DOK6: variants seen among roughly 807,000 people sequenced by gnomAD.
DOK6 encodes the protein docking protein 6.
Under a neutral mutation model 44.0 loss-of-function variants are expected in DOK6, and 22 were observed. The observed-to-expected ratio is 0.50, with a 90% CI of 0.36 to 0.71. The LOEUF is 0.71. Ranked by LOEUF, DOK6 falls within the 30% of genes least tolerant of loss-of-function variation. DOK6 has a pLI of 0.00. For synonymous variants in DOK6, 166 were observed against 145.5 expected (o/e 1.14, Z -1.01); for missense variants, 340 against 416.4 (o/e 0.82, Z 1.60).
At chr18:69,570,689 T>C (rs1260896142) in intron 2 of DOK6, among the ~76,000 whole-genome samples, 2 of 151,976 alleles carry the variant, frequency 1.3e-5, no homozygotes, top group Non-Finnish European at 2.9e-5. Context: ...AAAAAAGACA[T>C]GACATACTGG....
At chr18:69,406,898 T>C (rs1916216230) in intron 1 of DOK6, among the ~76,000 whole-genome samples, 1 of 152,126 alleles carries the variant, frequency 6.6e-6, no homozygotes, top group African/African-American at 2.4e-5. Flanking sequence ...CTGGCCAACA[T>C]TGTGAAACCT....
At chr18:69,568,497 C>T (rs1251771728) in intron 2 of DOK6, among the ~76,000 whole-genome samples, 1 of 152,180 alleles carries the variant, frequency 6.6e-6, no homozygotes, top group Non-Finnish European at 1.5e-5. Flanking sequence ...ACAGCTTCTC[C>T]CTTTCTCTGG....
At chr18:69,659,856 A>ATATAACATATATGTATGTTT (rs1985469584) in intron 3 of DOK6, 8 of 91,514 alleles carry the variant, frequency 8.7e-5, no homozygotes, top group African/African-American at 2.5e-4. Context: ...TATGTTATAT[A>ATATAACATATATGTATGTTT]TATATATATA....
chr18:69,549,870 A>ATT (rs33984742), intron 1 of DOK6, among the ~76,000 whole-genome samples: 27,163 of 143,122 alleles, frequency 0.19, 3,528 homozygotes, highest in Middle Eastern at 0.36. Context: ...AGAGTTTTTA[A>ATT]TTTTTTTTTT....
chr18:69,678,466 A>G lies in DOK6; in HGVS notation c.409+613A>G, dbSNP rs73467809. Among the ~76,000 whole-genome samples the G allele has an allele frequency of 7.4e-3, 1,131 of 152,310 alleles. 18 individuals carry two copies. Among genetic ancestry groups the G allele is most frequent in the African/African-American group, 0.026 (1,081 of 41,566 alleles). On this transcript the variant is annotated intron_variant, in intron 4 of 7. Transcript: ENST00000382713. ...CAGTTTCTTCTTGGAGACTTATTATAGATTTAGAGTCTATATTAACAGATT... is the reference window on the plus strand; with the variant it reads ...CAGTTTCTTCTTGGAGACTTATTATGGATTTAGAGTCTATATTAACAGATT...
At chr18:69,653,783 A>T (rs1199762144) in intron 3 of DOK6, among the ~76,000 whole-genome samples, 1 of 152,250 alleles carries the variant, frequency 6.6e-6, no homozygotes, top group Non-Finnish European at 1.5e-5. Context: ...CTGGGCAGAG[A>T]TAAACATCAT....
intron 1 of DOK6, among the ~76,000 whole-genome samples, chr18:69,408,527 T>C (rs1392346314): frequency 6.6e-6 from 1 of 152,216 alleles, no homozygotes; most frequent in African/African-American, 2.4e-5. Flanking sequence ...GTTAAATATC[T>C]TTAGTTTAGC....
chr18:69,699,950 G>A (rs1473060700), intron 5 of DOK6, among the ~76,000 whole-genome samples: 1 of 152,082 alleles, frequency 6.6e-6, no homozygotes, highest in South Asian at 2.1e-4. Flanking sequence ...CACAGTCATG[G>A]CAGAAGGAGA....
intron 3 of DOK6, among the ~76,000 whole-genome samples, chr18:69,620,129 C>T (rs1044490581): frequency 9.9e-5 from 15 of 151,940 alleles, no homozygotes; most frequent in Non-Finnish European, 1.6e-4. Context: ...ATATCAATCC[C>T]TAAAATTATA....
At chr18:69,519,357 G>C (rs897545270) in intron 1 of DOK6, among the ~76,000 whole-genome samples, 1 of 151,916 alleles carries the variant, frequency 6.6e-6, no homozygotes, top group Non-Finnish European at 1.5e-5. Flanking sequence ...TTACTAGTCA[G>C]ACTAACATAA....
Position 69,838,605 on chromosome 18 carries a change from C to T in DOK6, c.857-2639C>T, listed in dbSNP as rs115720885. On this transcript the variant is annotated intron_variant, in intron 7 of 7. Coordinates refer to ENST00000382713, the MANE Select transcript of DOK6 (RefSeq NM_152721.6). ...ATCATATAAGCTAAGTGCCACTATA[C>T]CATCCAGAATTTTTAGATAGGGAAA... 5.8e-3 allele frequency among the ~76,000 whole-genome samples: 884 copies of T among 152,164 alleles called. 5 individuals are homozygous for T. Among genetic ancestry groups the T allele is most frequent in the African/African-American group, 0.021 (853 of 41,476 alleles).
chr18:69,823,423 C>T (rs1232379096), intron 7 of DOK6, among the ~76,000 whole-genome samples: 1 of 152,048 alleles, frequency 6.6e-6, no homozygotes, highest in Non-Finnish European at 1.5e-5. Flanking sequence ...AGTTGAAGTT[C>T]AGATGAGTGT....
intron 4 of DOK6, among the ~76,000 whole-genome samples, chr18:69,681,050 A>C (rs568834929): frequency 2.6e-5 from 4 of 152,238 alleles, no homozygotes; most frequent in Admixed American, 6.5e-5. Context: ...TTATCAAAGA[A>C]TTAGCACGAT....
Position 69,841,420 on chromosome 18 carries a change from G to T in DOK6, c.*37G>T. On this transcript the variant is annotated 3_prime_UTR_variant, in exon 8 of 8. Transcript: ENST00000382713. ...CCGCTGTTGACTAGAGAGACAGTCT[G>T]TCCTGGACCCGTCTGTGGGGTCATT... 6.2e-7 allele frequency: 1 copy of T among 1,612,532 alleles called. No homozygotes were observed. The highest frequency in any genetic ancestry group is 1.3e-5 in the African/African-American group (1 of 75,010).
chr18:69,644,172 G>A (rs907034611), intron 3 of DOK6, among the ~76,000 whole-genome samples: 2 of 151,898 alleles, frequency 1.3e-5, no homozygotes, highest in Non-Finnish European at 2.9e-5. Context: ...TCAGATATGT[G>A]GTTTGCAAAT....
chr18:69,679,423 TTGAGTTTTTAGAAAG>T (rs1568331496), intron 4 of DOK6, among the ~76,000 whole-genome samples: 1 of 152,184 alleles, frequency 6.6e-6, no homozygotes, highest in African/African-American at 2.4e-5. Flanking sequence ...TTGCTTCCAT[TTGAGTTTTTAGAAAG>T]TCACAAAAGT....
chr18:69,502,283 A>G (rs1981069530), intron 1 of DOK6, among the ~76,000 whole-genome samples: 1 of 152,092 alleles, frequency 6.6e-6, no homozygotes. Context: ...TATTCAACAG[A>G]TAAGGCTCAG....
chr18:69,659,959 G>GTTTTATATATATAACATATATGTATGTT (rs1985480050), intron 3 of DOK6: 1 of 98,874 alleles, frequency 1.0e-5, no homozygotes, highest in Non-Finnish European at 2.2e-5. Context: ...ATATATGTAT[G>GTTTTATATATATAACATATATGTATGTT]TTTTATATAT....
At chr18:69,818,567 G>C (rs186134188) in intron 7 of DOK6, among the ~76,000 whole-genome samples, 1 of 152,248 alleles carries the variant, frequency 6.6e-6, no homozygotes, top group East Asian at 1.9e-4. Flanking sequence ...ACTTTCAACT[G>C]ATAGAATCAG....
Sources: allele counts gnomAD v4.1 joint callset (sites outside exome capture counted in the v4.1 genomes callset), GRCh38; gene constraint gnomAD v4.1.1; transcripts MANE v1.5; gene names NCBI Gene and HGNC (gene_info 2026-07-23, HGNC 2026-07-21).